EML1: variants seen among roughly 807,000 people sequenced by gnomAD.
The protein encoded by EML1 is echinoderm microtubule-associated protein-like 1.
A neutral mutation model predicts 110.4 loss-of-function variants in EML1; 27 were observed. The ratio of observed to expected loss-of-function variants is 0.24; its 90% CI spans 0.18 to 0.34. EML1 has a LOEUF of 0.34. Ranked by LOEUF, EML1 falls within the 10% of genes least tolerant of loss-of-function variation. The probability of loss-of-function intolerance (pLI) is 1.00; values close to 1 mark genes in which losing one functional copy is unlikely to be tolerated. For synonymous variants in EML1, 344 were observed against 385.8 expected (o/e 0.89, Z 1.27); for missense variants, 741 against 1,030.9 (o/e 0.72, Z 3.85).
At position 99,784,097 on chromosome 14, in the gene EML1, CT is replaced by C. The variant is rs771078193; in HGVS notation, c.-27+10095del. On this transcript the variant is annotated intron_variant, in intron 1 of 22. Coordinates refer to the EML1 transcript ENST00000327921. The surrounding 1 kb of genome is among the most constrained non-coding windows in gnomAD (Gnocchi z 4.5). ...AAATGTAAGGACTTTTTCTTGTCTTCTTTTTTTTTTTGAGATAGGATCTTGC... is the reference window on the plus strand; with the variant it reads ...AAATGTAAGGACTTTTTCTTGTCTTCTTTTTTTTTTGAGATAGGATCTTGC... Among the ~76,000 whole-genome samples, 137 of 146,818 alleles carry C rather than the reference CT, an allele frequency of 9.3e-4. No individual in the cohort carries two copies. Among genetic ancestry groups the C allele is most frequent in the East Asian group, 4.5e-3 (23 of 5,070 alleles).
chr14:99,759,052 C>G (rs1271348669), intron 1 of EML1, among the ~76,000 whole-genome samples: 1 of 152,248 alleles, frequency 6.6e-6, no homozygotes. Flanking sequence ...AGTTGAAAAG[C>G]TGCTGCCCAG....
chr14:99,770,858 C>G (rs1028946506), upstream of EML1, among the ~76,000 whole-genome samples: 4 of 143,104 alleles, frequency 2.8e-5, no homozygotes, highest in Non-Finnish European at 3.0e-5. Flanking sequence ...GATCTCGGCT[C>G]AGTGCAAGCT....
chr14:99,785,822 C>T (rs893191640), intron 1 of EML1, among the ~76,000 whole-genome samples: 17 of 152,100 alleles, frequency 1.1e-4, no homozygotes, highest in South Asian at 6.2e-4. Flanking sequence ...GGTGAACGAA[C>T]GGTTGGGGTG....
At chr14:99,826,071 G>A (rs1414537090) in intron 1 of EML1, among the ~76,000 whole-genome samples, 3 of 148,004 alleles carry the variant, frequency 2.0e-5, no homozygotes, top group African/African-American at 7.5e-5. Flanking sequence ...TGTTTTGAAA[G>A]TCTTTAGCAT....
intron 1 of EML1, among the ~76,000 whole-genome samples, chr14:99,834,688 A>G (rs2058511901): frequency 6.6e-6 from 1 of 152,250 alleles, no homozygotes; most frequent in South Asian, 2.1e-4. Context: ...CTGGCCTAAT[A>G]GATGAGTTGA....
At chr14:99,745,631 G>A (rs903046607) in intron 1 of EML1, among the ~76,000 whole-genome samples, 24 of 152,206 alleles carry the variant, frequency 1.6e-4, no homozygotes, top group South Asian at 4.1e-4. Context: ...GCTGAGCTCC[G>A]TTTGGGGGGT....
At chr14:99,795,751 A>G (rs906225588) in intron 1 of EML1, among the ~76,000 whole-genome samples, 2 of 152,226 alleles carry the variant, frequency 1.3e-5, no homozygotes, top group African/African-American at 4.8e-5. Context: ...AGAGACTTAC[A>G]TTACAATGGC....
chr14:99,786,061 C>CAA (rs56240053), intron 1 of EML1, among the ~76,000 whole-genome samples: 42 of 120,340 alleles, frequency 3.5e-4, no homozygotes, highest in African/African-American at 9.3e-4. Context: ...CCTGGCTGCT[C>CAA]AAAAAAAAAA....
At chr14:99,742,991 C>T (rs1057357983) in intron 1 of EML1, among the ~76,000 whole-genome samples, 1 of 152,184 alleles carries the variant, frequency 6.6e-6, no homozygotes, top group African/African-American at 2.4e-5. Context: ...CAGCATCCAG[C>T]GACCTCTCAC....
intron 1 of EML1, among the ~76,000 whole-genome samples, chr14:99,740,717 CAG>C (rs1384544288): frequency 6.6e-6 from 1 of 152,184 alleles, no homozygotes; most frequent in Non-Finnish European, 1.5e-5. Context: ...CTCTTCGGGG[CAG>C]AGTCACGTCA....
intron 2 of EML1, among the ~76,000 whole-genome samples, chr14:99,858,842 T>C (rs1325175862): frequency 6.6e-6 from 1 of 152,258 alleles, no homozygotes; most frequent in African/African-American, 2.4e-5. Context: ...TTAGGAATTC[T>C]AGCTTCATAG....
At chr14:99,775,146 C>G (rs2057468342) in intron 1 of EML1, among the ~76,000 whole-genome samples, 1 of 152,206 alleles carries the variant, frequency 6.6e-6, no homozygotes, top group Non-Finnish European at 1.5e-5. Flanking sequence ...TCACAGCCTT[C>G]TTGAAAAGTT....
rs1566950637 is a variant in EML1 at position 99,940,050 on chromosome 14, G to A, written c.2386G>A (p.Asp796Asn). ...CACCAATGTCGATTTCCTCTGTGAA[G>A]ACAGCCACCTCATCTCCACGGGCGG... ...HVTNVDFLCE[D>N]SHLISTGGKD... Residue 796 changes from aspartate (D) to asparagine (N), a missense_variant, in exon 22 of 22, where the codon GAC becomes AAC. Physicochemically the swap from Asp to Asn is conservative, Grantham distance 23. Coordinates refer to ENST00000262233, the MANE Select transcript of EML1 (RefSeq NM_004434.3). 6.2e-7 allele frequency: 1 copy of A among 1,603,826 alleles called. No individual in the cohort carries two copies. Among genetic ancestry groups the A allele is most frequent in the Non-Finnish European group, 8.5e-7 (1 of 1,175,406 alleles).
At chr14:99,932,586 G>T (rs754874442) in intron 17 of EML1, among the ~76,000 whole-genome samples, 1 of 150,086 alleles carries the variant, frequency 6.7e-6, no homozygotes, top group Non-Finnish European at 1.5e-5. Flanking sequence ...GGCAGATGTT[G>T]CAGTGAGCTG....
intron 2 of EML1, among the ~76,000 whole-genome samples, chr14:99,854,720 A>G (rs1185675456): frequency 6.6e-6 from 1 of 152,068 alleles, no homozygotes; most frequent in Non-Finnish European, 1.5e-5. Context: ...TTCATGTTGG[A>G]TTTACTCTTG....
At chr14:99,843,657 G>T (rs1041178419) in intron 1 of EML1, among the ~76,000 whole-genome samples, 7 of 152,214 alleles carry the variant, frequency 4.6e-5, no homozygotes, top group African/African-American at 1.7e-4. Flanking sequence ...CAGGTAGCTT[G>T]ACTCCATAGT....
At chr14:99,746,812 T>C (rs1409411939) in intron 1 of EML1, among the ~76,000 whole-genome samples, 1 of 152,152 alleles carries the variant, frequency 6.6e-6, no homozygotes, top group Non-Finnish European at 1.5e-5. Context: ...CCTTGTCCTG[T>C]GTCCCCACCC....
chr14:99,871,468 G>A (rs1021213937), intron 3 of EML1, among the ~76,000 whole-genome samples: 3 of 151,556 alleles, frequency 2.0e-5, no homozygotes, highest in African/African-American at 7.3e-5. Flanking sequence ...AGCCATGATT[G>A]TGCTACTGCA....
At chr14:99,859,096 T>C (rs1339531935) in intron 2 of EML1, among the ~76,000 whole-genome samples, 1 of 152,244 alleles carries the variant, frequency 6.6e-6, no homozygotes, top group Non-Finnish European at 1.5e-5. Flanking sequence ...TTTGAAAATA[T>C]ATTATCATGG....
Sources: allele counts gnomAD v4.1 joint callset (sites outside exome capture counted in the v4.1 genomes callset), GRCh38; gene constraint gnomAD v4.1.1; non-coding constraint Gnocchi (gnomAD v3.1); transcripts MANE v1.5; gene names NCBI Gene and HGNC (gene_info 2026-07-23, HGNC 2026-07-21).